CA12: variants seen among roughly 807,000 people sequenced by gnomAD.
The protein encoded by CA12 is carbonic anhydrase 12, also known as carbonate dehydratase XII.
In CA12, 36 loss-of-function variants were observed where a neutral mutation model predicts 46.8. That is an observed-to-expected ratio of 0.77 (90% CI 0.59 to 1.02). CA12 has a LOEUF of 1.02. Among genes scored for constraint, CA12 ranks in the 50% least tolerant of loss-of-function variants. The pLI is 0.00. For synonymous variants in CA12, 202 were observed against 187.0 expected (o/e 1.08, Z -0.65); for missense variants, 436 against 451.4 (o/e 0.97, Z 0.31).
intron 2 of CA12, among the ~76,000 whole-genome samples, chr15:63,353,019 G>A (rs893496734): frequency 2.0e-5 from 3 of 152,074 alleles, no homozygotes; most frequent in African/African-American, 7.2e-5. Context: ...CAACAAATGT[G>A]TCTAGTATGT....
At chr15:63,354,309 C>G (rs148691530) in intron 2 of CA12, among the ~76,000 whole-genome samples, 126 of 152,296 alleles carry the variant, frequency 8.3e-4, no homozygotes, top group African/African-American at 2.6e-3. Context: ...GCTGGACTTG[C>G]CATAGCAGGC....
At chr15:63,369,131 C>T (rs1404448108) in intron 2 of CA12, among the ~76,000 whole-genome samples, 4 of 152,198 alleles carry the variant, frequency 2.6e-5, no homozygotes, top group East Asian at 1.9e-4. Flanking sequence ...GCCCTTGGGA[C>T]GAGAGCTTGC....
At chr15:63,337,408 C>T (rs977684829) in intron 8 of CA12, among the ~76,000 whole-genome samples, 1 of 152,098 alleles carries the variant, frequency 6.6e-6, no homozygotes, top group Non-Finnish European at 1.5e-5. Flanking sequence ...CCAGGTGAGA[C>T]GAGGAGAGCA....
At position 63,345,496 on chromosome 15, in the gene CA12, C is replaced by T; in HGVS notation, c.410G>A (p.Gly137Glu). 1 of 1,609,910 alleles carries T rather than the reference C, an allele frequency of 6.2e-7. No individual in the cohort carries two copies. The highest frequency in any genetic ancestry group is 8.5e-7 in the Non-Finnish European group (1 of 1,179,986). ...ACTTACCTCGGCGGCGAAGTGCTGTCCGCTGACGGTGTGCTCAGAGCCGTG... is the reference window on the plus strand; with the variant it reads ...ACTTACCTCGGCGGCGAAGTGCTGTTCGCTGACGGTGTGCTCAGAGCCGTG... The part of the protein sequence containing the change: ...DPHGSEHTVS[G>E]QHFAAELHIV... The change falls in exon 4 of 11, where the codon GGA (glycine) becomes GAA (glutamate). Residue 137 changes from glycine to glutamate, a missense_variant. By Grantham distance (98) the Gly-to-Glu change is moderately conservative. Transcript: ENST00000178638. The surrounding 1 kb of genome is among the most constrained non-coding windows in gnomAD (Gnocchi z 4.3).
chr15:63,351,015 G>A (rs1010779492), intron 2 of CA12, among the ~76,000 whole-genome samples: 2 of 152,216 alleles, frequency 1.3e-5, no homozygotes, highest in South Asian at 4.2e-4. Flanking sequence ...TAAGATTACC[G>A]AATCCAATTA....
intron 4 of CA12, among the ~76,000 whole-genome samples, chr15:63,344,550 A>G (rs1166680385): frequency 6.6e-6 from 1 of 152,230 alleles, no homozygotes; most frequent in Non-Finnish European, 1.5e-5. Flanking sequence ...GTGAACCTCC[A>G]GTGGTACCAT....
In CA12 at chr15:63,331,397, T is replaced by C. The variant is rs1185316256; in HGVS notation, c.875-3267A>G. ...AGAACTAGAGAAATTCACTTTCAGG[T>C]TAAAGAAATGGTTTGTTTCTGAATA... On this transcript the variant is annotated intron_variant, in intron 8 of 10. Transcript: ENST00000178638. The surrounding 1 kb of genome is among the most constrained non-coding windows in gnomAD (Gnocchi z 5.3). 6.6e-6 allele frequency among the ~76,000 whole-genome samples: 1 copy of C among 152,032 alleles called. No homozygotes were observed. Among genetic ancestry groups the C allele is most frequent in the African/African-American group, 2.4e-5 (1 of 41,380 alleles).
chr15:63,333,984 C>T (rs1333590494), intron 8 of CA12, among the ~76,000 whole-genome samples: 4 of 152,134 alleles, frequency 2.6e-5, no homozygotes, highest in African/African-American at 9.7e-5. Context: ...TGCTTCATTA[C>T]CCAGCATCTG....
chr15:63,327,115 T>C lies in CA12; in HGVS notation c.992+34A>G. 2 of 1,563,138 alleles carry C rather than the reference T, an allele frequency of 1.3e-6. No individual in the cohort carries two copies. Among genetic ancestry groups the C allele is most frequent in the Non-Finnish European group, 1.8e-6 (2 of 1,133,804 alleles). On this transcript the variant is annotated intron_variant, in intron 10 of 10. Coordinates refer to ENST00000178638, the MANE Select transcript of CA12 (RefSeq NM_001218.5). This position sits in a 1 kb window ranked among gnomAD's most constrained non-coding sequence, Gnocchi z 4.5. ...AGACTAATCATCATGGACACATAGCTGTCCATTCCCATTTTGGACCCAAAC... is the reference window on the plus strand; with the variant it reads ...AGACTAATCATCATGGACACATAGCCGTCCATTCCCATTTTGGACCCAAAC...
intron 8 of CA12, among the ~76,000 whole-genome samples, chr15:63,335,627 C>A (rs534628880): frequency 1.3e-5 from 2 of 150,882 alleles, no homozygotes; most frequent in East Asian, 3.9e-4. Flanking sequence ...CCACACCCGG[C>A]CATCCTAGAT....
At chr15:63,364,151 TG>T in intron 2 of CA12, among the ~76,000 whole-genome samples, 2 of 151,110 alleles carry the variant, frequency 1.3e-5, no homozygotes, top group Middle Eastern at 6.8e-3. Flanking sequence ...CGTGCCAGCC[TG>T]GGCAACAAGA....
At chr15:63,335,631 C>T (rs1203965187) in intron 8 of CA12, among the ~76,000 whole-genome samples, 1 of 150,502 alleles carries the variant, frequency 6.6e-6, no homozygotes, top group Non-Finnish European at 1.5e-5. Context: ...ACCCGGCCAT[C>T]CTAGATGATT....
chr15:63,358,855 C>T (rs1266759944), intron 2 of CA12, among the ~76,000 whole-genome samples: 2 of 152,202 alleles, frequency 1.3e-5, no homozygotes, highest in Non-Finnish European at 2.9e-5. Flanking sequence ...CTTCCACGCC[C>T]ATGTCCCACT....
intron 2 of CA12, among the ~76,000 whole-genome samples, chr15:63,347,822 A>G (rs2039172444): frequency 6.6e-6 from 1 of 152,214 alleles, no homozygotes. Flanking sequence ...CTGGGGATCA[A>G]GCTTTGCCAT....
chr15:63,375,900 C>A (rs1480524287), intron 1 of CA12, among the ~76,000 whole-genome samples: 1 of 151,462 alleles, frequency 6.6e-6, no homozygotes, highest in East Asian at 1.9e-4. Flanking sequence ...ACCTCTGCCT[C>A]CTGGGTTCAA....
chr15:63,345,153 C>A lies in CA12; in HGVS notation c.429+324G>T, dbSNP rs1388923062. On this transcript the variant is annotated intron_variant, in intron 4 of 10. Transcript: ENST00000178638. The surrounding 1 kb of genome is among the most constrained non-coding windows in gnomAD (Gnocchi z 4.3). ...TGAGTCAGCAGGAGATTTTTATCTG[C>A]ACAGATAGGAAGGCAATGTCTAAAA... Among the ~76,000 whole-genome samples the A allele has an allele frequency of 1.3e-5, 2 of 152,208 alleles. No homozygotes were observed. Among genetic ancestry groups the A allele is most frequent in the African/African-American group, 4.8e-5 (2 of 41,444 alleles).
chr15:63,380,662 G>C (rs1414719899), intron 1 of CA12, among the ~76,000 whole-genome samples: 1 of 152,138 alleles, frequency 6.6e-6, no homozygotes, highest in Non-Finnish European at 1.5e-5. Flanking sequence ...TTAATTAAGA[G>C]TTATCCACAG....
chr15:63,375,652 A>T lies in CA12; in HGVS notation c.106+6T>A. ...CAACAAAAAAGTATTTAAAATCTCT[A>T]CTTACCAAAATAAGTCCACTTGGAA... On this transcript the variant is annotated splice_donor_region_variant and intron_variant, in intron 2 of 10. Coordinates refer to ENST00000178638, the MANE Select transcript of CA12 (RefSeq NM_001218.5). The T allele has an allele frequency of 6.5e-7, 1 of 1,545,792 alleles. No homozygotes were observed. Among genetic ancestry groups the T allele is most frequent in the Non-Finnish European group, 8.9e-7 (1 of 1,120,802 alleles).
At chr15:63,350,923 A>G (rs2039220733) in intron 2 of CA12, among the ~76,000 whole-genome samples, 1 of 152,190 alleles carries the variant, frequency 6.6e-6, no homozygotes, top group Non-Finnish European at 1.5e-5. Flanking sequence ...ATCTGTATAT[A>G]TTTCATATGT....
Sources: allele counts gnomAD v4.1 joint callset (sites outside exome capture counted in the v4.1 genomes callset), GRCh38; gene constraint gnomAD v4.1.1; non-coding constraint Gnocchi (gnomAD v3.1); transcripts MANE v1.5; gene names NCBI Gene and HGNC (gene_info 2026-07-23, HGNC 2026-07-21).